PTPN13: variants seen among roughly 807,000 people sequenced by gnomAD.
The protein encoded by PTPN13 is protein tyrosine phosphatase non-receptor type 13, also known as tyrosine-protein phosphatase non-receptor type 13.
Under a neutral mutation model 284.0 loss-of-function variants are expected in PTPN13, and 191 were observed. The ratio of observed to expected loss-of-function variants is 0.67; its 90% confidence interval spans 0.60 to 0.76. The LOEUF (loss-of-function observed/expected upper bound fraction) is 0.76, where lower values mean the gene tolerates loss of function less well. PTPN13 is among the 30% of genes least tolerant of loss of function. The pLI, the probability that PTPN13 is intolerant of heterozygous loss-of-function variation, is 0.00. For missense variants in PTPN13, 2,797 were observed against 2,939.9 expected, an observed-to-expected ratio of 0.95 and a Z score of 1.12; for synonymous variants, 986 against 1,022.3, an observed-to-expected ratio of 0.96 and a Z score of 0.68.
At chr4:86,731,596 A>G (rs1734963941) in intron 10 of PTPN13, among the ~76,000 whole-genome samples, 1 of 152,210 alleles carries the variant, frequency 6.6e-6, no homozygotes, top group South Asian at 2.1e-4. Flanking sequence ...ATATAGGCAC[A>G]AAGTAGATGT....
intron 23 of PTPN13, among the ~76,000 whole-genome samples, 166 bp downstream of exon 23, chr4:86,759,239 G>C (rs1481041042): frequency 2.0e-5 from 3 of 152,134 alleles, no homozygotes; most frequent in African/African-American, 4.8e-5. Flanking sequence ...ATCAGAGATA[G>C]AGTCATTTAT....
chr4:86,771,242 G>A lies in PTPN13; in HGVS notation c.4875G>A (p.Glu1625=). ...SKDSSQPSCV[E]QSTSSDENEM... The stretch of plus-strand genomic sequence containing the variant: ...ACTCTTCTCAGCCATCATGTGTGGA[G>A]CAAAGCACCAGCTCAGATGAAAATG... Residue 1625 remains glutamate, a synonymous_variant, in exon 31 of 48, where the codon GAG becomes GAA. Coordinates refer to ENST00000411767, the MANE Select transcript of PTPN13 (RefSeq NM_080683.3). 6.2e-7 allele frequency: 1 copy of A among 1,610,640 alleles called. No individual in the cohort carries two copies. Among genetic ancestry groups the A allele is most frequent in the South Asian group, 1.1e-5 (1 of 90,032 alleles).
intron 26 of PTPN13, among the ~76,000 whole-genome samples, chr4:86,765,930 T>C (rs1169650047): frequency 6.6e-6 from 1 of 151,954 alleles, no homozygotes; most frequent in Non-Finnish European, 1.5e-5. Flanking sequence ...TGGGTTCAAA[T>C]GATTCTTGTG....
chr4:86,670,097 C>T (rs1280102315), intron 2 of PTPN13, among the ~76,000 whole-genome samples: 1 of 150,702 alleles, frequency 6.6e-6, no homozygotes, highest in Non-Finnish European at 1.5e-5. Context: ...AATAAAAAAC[C>T]GAGAAGGCGC....
At chr4:86,659,281 G>A (rs1726202366) in intron 2 of PTPN13, among the ~76,000 whole-genome samples, 1 of 151,834 alleles carries the variant, frequency 6.6e-6, no homozygotes, top group Non-Finnish European at 1.5e-5. Flanking sequence ...ATAATATGTT[G>A]TACACTTTAT....
intron 43 of PTPN13, among the ~76,000 whole-genome samples, chr4:86,804,779 T>C (rs1476017774): frequency 6.6e-6 from 1 of 152,224 alleles, no homozygotes; most frequent in African/African-American, 2.4e-5. Context: ...CCATCACTTA[T>C]TACAGTACCT....
chr4:86,670,632 C>T (rs1341933590), intron 2 of PTPN13, among the ~76,000 whole-genome samples: 2 of 152,178 alleles, frequency 1.3e-5, no homozygotes, highest in African/African-American at 4.8e-5. Context: ...AGTGCGTTGT[C>T]TTCCTAATTG....
intron 17 of PTPN13, among the ~76,000 whole-genome samples, chr4:86,746,669 GCT>G (rs1565472992): frequency 6.6e-6 from 1 of 151,624 alleles, no homozygotes; most frequent in Non-Finnish European, 1.5e-5. Flanking sequence ...ACGGAGTTTC[GCT>G]CTTGTCAAAA....
At chr4:86,706,537 A>G (rs938856190) in intron 7 of PTPN13, among the ~76,000 whole-genome samples, 5 of 152,142 alleles carry the variant, frequency 3.3e-5, no homozygotes, top group Middle Eastern at 3.2e-3. Flanking sequence ...ATTGTGGTAG[A>G]TAGTATTTTG....
chr4:86,662,626 A>C (rs185000375), intron 2 of PTPN13, among the ~76,000 whole-genome samples: 26 of 152,288 alleles, frequency 1.7e-4, no homozygotes, highest in Admixed American at 1.2e-3. Context: ...CACCGTGCCC[A>C]GCTGTTATAT....
chr4:86,659,575 G>A (rs1388885966), intron 2 of PTPN13, among the ~76,000 whole-genome samples: 2 of 152,108 alleles, frequency 1.3e-5, no homozygotes, highest in African/African-American at 4.8e-5. Context: ...CAGCACTTTG[G>A]GAGGCCAAGG....
intron 1 of PTPN13, among the ~76,000 whole-genome samples, chr4:86,622,959 A>G (rs147665855): frequency 3.3e-5 from 5 of 152,298 alleles, no homozygotes; most frequent in Non-Finnish European, 7.4e-5. Flanking sequence ...TGTCTTAGTT[A>G]ATGGTAACTC....
intron 9 of PTPN13, among the ~76,000 whole-genome samples, chr4:86,718,473 CAG>C (rs1327064646): frequency 3.9e-5 from 5 of 127,286 alleles, no homozygotes; most frequent in African/African-American, 1.1e-4. Flanking sequence ...TTTTTTGAGA[CAG>C]AGTCTCGCTT....
At chr4:86,728,659 T>TA (rs1734581376) in intron 10 of PTPN13, among the ~76,000 whole-genome samples, 1 of 107,070 alleles carries the variant, frequency 9.3e-6, no homozygotes, top group African/African-American at 3.5e-5. Flanking sequence ...TTTTTTTTTT[T>TA]TTTTTTTTTT....
At chr4:86,681,624 A>G (rs1000925607) in intron 3 of PTPN13, among the ~76,000 whole-genome samples, 1 of 152,176 alleles carries the variant, frequency 6.6e-6, no homozygotes, top group Non-Finnish European at 1.5e-5. Context: ...GTAAGATTGA[A>G]TGAGCTAATG....
chr4:86,624,421 G>GAGC (rs1211799283), intron 1 of PTPN13, among the ~76,000 whole-genome samples: 1 of 152,122 alleles, frequency 6.6e-6, no homozygotes, highest in African/African-American at 2.4e-5. Context: ...TATAGTACCT[G>GAGC]AGCTCTGCAG....
chr4:86,761,169 T>TATAA (rs1188928906), intron 23 of PTPN13, among the ~76,000 whole-genome samples: 88 of 145,100 alleles, frequency 6.1e-4, no homozygotes, highest in Middle Eastern at 3.7e-3. Context: ...TATATATATA[T>TATAA]AAACACAACA....
chr4:86,654,837 G>A (rs1725551614), intron 2 of PTPN13, among the ~76,000 whole-genome samples: 2 of 152,122 alleles, frequency 1.3e-5, no homozygotes, highest in South Asian at 4.2e-4. Flanking sequence ...TGTTGACAGT[G>A]GGGTGTTAAA....
chr4:86,661,584 A>G (rs1726492706), intron 2 of PTPN13, among the ~76,000 whole-genome samples: 3 of 152,152 alleles, frequency 2.0e-5, no homozygotes, highest in South Asian at 4.1e-4. Context: ...GGGGTGAGGG[A>G]GTTATGTCAA....
Sources: gnomAD v4.1 joint callset for allele counts (sites outside exome capture counted in the v4.1 genomes callset) on GRCh38, gnomAD v4.1.1 for gene constraint, MANE v1.5 for transcripts, NCBI Gene and HGNC (gene_info 2026-07-23, HGNC 2026-07-21) for gene names.